The following EIF3L variants were observed in gnomAD, a reference collection of about 807,000 sequenced individuals.
The protein encoded by EIF3L is eukaryotic translation initiation factor 3 subunit L, also known as eIEF associated protein HSPC021.
Under a neutral mutation model 74.6 loss-of-function variants are expected in EIF3L, and 32 were observed. The ratio of observed to expected loss-of-function variants is 0.43; its 90% confidence interval spans 0.32 to 0.58. The LOEUF (loss-of-function observed/expected upper bound fraction) is 0.58, where lower values mean the gene tolerates loss of function less well. Among genes scored for constraint, EIF3L ranks in the 20% least tolerant of loss-of-function variants. The probability of loss-of-function intolerance (pLI) is 0.06; values close to 1 mark genes in which losing one functional copy is unlikely to be tolerated. For missense variants in EIF3L, 474 were observed against 707.8 expected (o/e 0.67, Z 3.75); for synonymous variants, 256 against 254.4 (o/e 1.01, Z -0.06).
intron 7 of EIF3L, among the ~76,000 whole-genome samples, chr22:37,869,552 G>A (rs1926361864): frequency 1.3e-5 from 2 of 152,172 alleles, no homozygotes; most frequent in Non-Finnish European, 2.9e-5. Flanking sequence ...TAGGTCTGTT[G>A]TGTTCCATCT....
At chr22:37,859,349 C>A (rs953197550) in intron 5 of EIF3L, among the ~76,000 whole-genome samples, 1 of 134,516 alleles carries the variant, frequency 7.4e-6, no homozygotes, top group African/African-American at 2.9e-5. Context: ...TTCCCGACTT[C>A]TAAATTATAG....
chr22:37,870,710 C>CT (rs139799195), intron 8 of EIF3L, among the ~76,000 whole-genome samples: 26 of 151,270 alleles, frequency 1.7e-4, no homozygotes, highest in Admixed American at 3.3e-4. Flanking sequence ...AAATTTTTTT[C>CT]TTTTTTTTTC....
chr22:37,849,942 A>C, intron 1 of EIF3L, 73 bp from the exon 2 acceptor site: 1 of 1,546,944 alleles, frequency 6.5e-7, no homozygotes. Context: ...TCTGCTTGGC[A>C]TCTAGACTCT....
chr22:37,864,881 C>T (rs1926063782), intron 7 of EIF3L, among the ~76,000 whole-genome samples: 1 of 152,126 alleles, frequency 6.6e-6, no homozygotes, highest in African/African-American at 2.4e-5. Context: ...GTTGTGGGCA[C>T]ATTACTTAAC....
Position 37,870,171 on chromosome 22 carries a change from A to C in EIF3L, c.580-5A>C. On this transcript the variant is annotated splice_polypyrimidine_tract_variant and splice_region_variant and intron_variant, in intron 7 of 12. Transcript: ENST00000652021. ...CTACTGCATGTTTCTTTTCTTCCTC[A>C]ACAGTTTCAGTCATTCAGTCAGTAC... 1 of 1,589,348 alleles carries C rather than the reference A, an allele frequency of 6.3e-7. No homozygotes were observed. The highest frequency in any genetic ancestry group is 2.2e-5 in the East Asian group (1 of 44,496).
chr22:37,866,110 A>G lies in EIF3L; in HGVS notation c.579+2765A>G, dbSNP rs1006074829. Among the ~76,000 whole-genome samples, 4 of 152,334 alleles carry G rather than the reference A, an allele frequency of 2.6e-5. No homozygotes were observed. In the East Asian group the frequency reaches 7.7e-4, roughly 29 times the overall value. ...CTTGCTTGCTTTTGCAGAGGTATCA[A>G]TTACTGTCTGGAAGGAAAGGCACCT... On this transcript the variant is annotated intron_variant, in intron 7 of 12. Transcript: ENST00000652021.
At chr22:37,877,406 G>A in intron 10 of EIF3L, 1 of 430,848 alleles carries the variant, frequency 2.3e-6, no homozygotes, top group Middle Eastern at 6.3e-4. Context: ...GGATTGACCT[G>A]CTAGTGATGT....
intron 5 of EIF3L, among the ~76,000 whole-genome samples, chr22:37,859,465 T>C (rs1925734165): frequency 1.4e-5 from 2 of 141,002 alleles, no homozygotes. Context: ...CACTGCAGGC[T>C]CCACCTCCCA....
intron 4 of EIF3L, 54 bp downstream of exon 4, chr22:37,855,698 C>A: frequency 1.4e-6 from 2 of 1,466,920 alleles, no homozygotes; most frequent in South Asian, 1.2e-5. Flanking sequence ...GTGGCTGAGT[C>A]ATTAGACAGG....
At chr22:37,877,604 C>A in intron 10 of EIF3L, 70 bp from the exon 11 acceptor site, 2 of 1,514,610 alleles carry the variant, frequency 1.3e-6, no homozygotes, top group Non-Finnish European at 1.8e-6. Context: ...AATGGTGAGG[C>A]CAGTTGGCAG....
At position 37,888,528 on chromosome 22, in the gene EIF3L, C is replaced by T. The variant is rs1046455682; in HGVS notation, c.*64C>T. ...TATAGGCAGGAAGTGTTTTTGCTAC[C>T]GTGAAACCTTTACCTAGATCAGCCA... On this transcript the variant is annotated 3_prime_UTR_variant, in exon 13 of 13. Coordinates refer to ENST00000652021, the MANE Select transcript of EIF3L (RefSeq NM_016091.4). The T allele has an allele frequency of 2.3e-5, 36 of 1,554,994 alleles. No homozygotes were observed. The highest frequency in any genetic ancestry group is 4.5e-5 in the East Asian group (2 of 44,468).
chr22:37,863,942 G>A (rs1168616039), intron 7 of EIF3L, among the ~76,000 whole-genome samples: 1 of 152,026 alleles, frequency 6.6e-6, no homozygotes, highest in Non-Finnish European at 1.5e-5. Flanking sequence ...GCAGGCGCCT[G>A]TAGTCCCAGC....
intron 5 of EIF3L, among the ~76,000 whole-genome samples, 185 bp downstream of exon 5, chr22:37,858,925 C>T (rs550009740): frequency 2.6e-5 from 4 of 152,012 alleles, no homozygotes; most frequent in South Asian, 2.1e-4. Flanking sequence ...GACACACTAA[C>T]GCTATATAAC....
At chr22:37,857,512 C>G (rs950494100) in intron 4 of EIF3L, among the ~76,000 whole-genome samples, 2 of 151,268 alleles carry the variant, frequency 1.3e-5, no homozygotes, top group Admixed American at 1.3e-4. Flanking sequence ...TTTGTTATAG[C>G]TAACGTTTTT....
intron 5 of EIF3L, among the ~76,000 whole-genome samples, chr22:37,862,637 G>A (rs2145812434): frequency 6.6e-6 from 1 of 152,244 alleles, no homozygotes; most frequent in Middle Eastern, 3.4e-3. Flanking sequence ...TAACTCCCTA[G>A]CCTTCAAGTG....
Position 37,849,995 on chromosome 22 carries a change from C to CTGTG in EIF3L, c.34-18_34-15dup, listed in dbSNP as rs760215067. 2.5e-6 allele frequency: 4 copies of CTGTG among 1,613,742 alleles called. No homozygotes were observed. In the South Asian group the frequency reaches 3.3e-5, roughly 13 times the overall value. ...TTCACGACTTGGCGGCTGTCCTTGA[C>CTGTG]TGTGTCTCTTTCCTTCTAGGCGGCT... On this transcript the variant is annotated intron_variant, in intron 1 of 12. Transcript: ENST00000652021.
chr22:37,873,294 GT>G (rs1318031783), intron 8 of EIF3L, among the ~76,000 whole-genome samples: 1 of 126,314 alleles, frequency 7.9e-6, no homozygotes, highest in Non-Finnish European at 1.8e-5. Context: ...TTGCGTATCA[GT>G]TTTTTTTGTT....
chr22:37,871,507 G>A (rs1305804357), intron 8 of EIF3L, among the ~76,000 whole-genome samples: 1 of 152,142 alleles, frequency 6.6e-6, no homozygotes, highest in Non-Finnish European at 1.5e-5. Flanking sequence ...TTACTTTCAG[G>A]CTGTGTGTAT....
At chr22:37,865,922 C>T (rs1255745682) in intron 7 of EIF3L, among the ~76,000 whole-genome samples, 3 of 152,208 alleles carry the variant, frequency 2.0e-5, no homozygotes, top group South Asian at 2.1e-4. Context: ...AAGGGGCTTA[C>T]GGTGCTTTCT....
Sources: gnomAD v4.1 joint callset for allele counts (sites outside exome capture counted in the v4.1 genomes callset) on GRCh38, gnomAD v4.1.1 for gene constraint, MANE v1.5 for transcripts, NCBI Gene and HGNC (gene_info 2026-07-23, HGNC 2026-07-21) for gene names.